TTYH1: variants seen among roughly 807,000 people sequenced by gnomAD.
TTYH1 encodes protein tweety homolog 1.
In TTYH1, 33 loss-of-function variants were observed where a neutral mutation model predicts 61.2. That is an observed-to-expected ratio of 0.54 (90% CI 0.41 to 0.72). The LOEUF (loss-of-function observed/expected upper bound fraction) is 0.72, where lower values mean the gene tolerates loss of function less well. Ranked by LOEUF, TTYH1 falls within the 30% of genes least tolerant of loss-of-function variation. The probability of loss-of-function intolerance (pLI) is 0.00; values close to 1 mark genes in which losing one functional copy is unlikely to be tolerated. For missense variants in TTYH1, 538 were observed against 575.8 expected (o/e 0.93, Z 0.67); for synonymous variants, 308 against 266.4 (o/e 1.16, Z -1.52).
intron 5 of TTYH1, among the ~76,000 whole-genome samples, chr19:54,428,323 A>C (rs1034260970): frequency 2.6e-5 from 4 of 151,888 alleles, no homozygotes; most frequent in Non-Finnish European, 5.9e-5. Context: ...TCCTGACCTA[A>C]GGTGATCCGC....
Position 54,415,789 on chromosome 19 carries a change from G to A in TTYH1, c.126+111G>A, listed in dbSNP as rs191643169. ...TTCCTGAGCTCCGCCGGAGGCTGGG[G>A]GCCGGCCCGGACTTTGGGGTTTCGG... On this transcript the variant is annotated intron_variant, in intron 1 of 13. Transcript: ENST00000376530. The surrounding 1 kb of genome is among the most constrained non-coding windows in gnomAD (Gnocchi z 5.2). 3 of 1,242,304 alleles carry A rather than the reference G, an allele frequency of 2.4e-6. No homozygotes were observed. The highest frequency in any genetic ancestry group is 3.1e-5 in the Admixed American group (1 of 32,700). The allele number at this position is 1,242,304 out of a possible 1,614,324, so 77.0% of individuals were successfully genotyped here.
At position 54,428,096 on chromosome 19, in the gene TTYH1, T is replaced by TG. The variant is rs1569262427; in HGVS notation, c.735-1211_735-1210insG. Among the ~76,000 whole-genome samples, 21 of 142,316 alleles carry TG rather than the reference T, an allele frequency of 1.5e-4. 1 individual carries two copies. Among genetic ancestry groups the TG allele is most frequent in the African/African-American group, 5.5e-4 (21 of 38,002 alleles). The allele number at this position is 142,316 out of a possible 152,430, so 93.4% of individuals were successfully genotyped here. On this transcript the variant is annotated intron_variant, in intron 5 of 13. Coordinates refer to ENST00000376530, the MANE Select transcript of TTYH1 (RefSeq NM_020659.4). ...CCGGCTAAGTTTTTTTTTTTTTTTT[T>TG]TTTTTTTTTTGAGCTGCAATTTGGC...
At chr19:54,417,052 T>C (rs1293526467) in intron 1 of TTYH1, 1 of 689,544 alleles carries the variant, frequency 1.5e-6, no homozygotes, top group Non-Finnish European at 2.0e-6. Context: ...GCGACCACCG[T>C]GGGTACAGCT....
At position 54,421,316 on chromosome 19, in the gene TTYH1, C is replaced by G. The variant is rs763312803; in HGVS notation, c.345C>G (p.Thr115=). ...IGIGFYGNSE[T]SDGVSQLSSA... is the part of the protein sequence containing the mutation. ...TCGGTTTCTATGGCAACAGTGAGAC[C>G]AGTGATGGGGTGTCCCAGCTCAGCT... The change falls in exon 3 of 14, where the codon ACC becomes ACG. Residue 115 remains threonine (T), a synonymous_variant. Coordinates refer to ENST00000376530, the MANE Select transcript of TTYH1 (RefSeq NM_020659.4). The surrounding 1 kb of genome is among the most constrained non-coding windows in gnomAD (Gnocchi z 4.8). 2 of 1,613,792 alleles carry G rather than the reference C, an allele frequency of 1.2e-6. No individual in the cohort carries two copies. The highest frequency in any genetic ancestry group is 2.2e-5 in the East Asian group (1 of 44,874).
At position 54,422,174 on chromosome 19, in the gene TTYH1, C is replaced by A; in HGVS notation, c.418-16C>A. The stretch of plus-strand genomic sequence containing the variant: ...CAGGATGTCCTTCCAGACCTCAGCC[C>A]CTGTCCTATCCCCAGGTGTTGGAGA... On this transcript the variant is annotated splice_polypyrimidine_tract_variant and intron_variant, in intron 3 of 13. Transcript: ENST00000376530. The A allele has an allele frequency of 1.9e-6, 3 of 1,545,412 alleles. No individual in the cohort carries two copies. Among genetic ancestry groups the A allele is most frequent in the Non-Finnish European group, 2.6e-6 (3 of 1,142,814 alleles).
chr19:54,430,023 C>T, intron 7 of TTYH1, 66 bp downstream of exon 7: 1 of 1,418,668 alleles, frequency 7.0e-7, no homozygotes, highest in Admixed American at 1.7e-5. Context: ...CCTCAGGCCT[C>T]CTCTGTGCCC....
rs946792079 is a variant in TTYH1, at chr19:54,422,463, C to A, written c.638+53C>A. ...TGCCGGCAGCTCTCAGGCGGAGTCC[C>A]CGGGGGGACAGTTGGCAATGCCTGG... On this transcript the variant is annotated intron_variant, in intron 4 of 13. Coordinates refer to ENST00000376530, the MANE Select transcript of TTYH1 (RefSeq NM_020659.4). The A allele has an allele frequency of 1.3e-5, 19 of 1,437,372 alleles. No individual in the cohort carries two copies. In the Admixed American group the frequency reaches 4.8e-4, roughly 36 times the overall value. 89.0% of individuals were successfully genotyped at this position (1,437,372 alleles called of 1,614,324 possible).
rs1474767866 is a variant in TTYH1, at chr19:54,419,137, C to T, written c.136C>T (p.Leu46=). The change falls in exon 2 of 14, where the codon CTG becomes TTG. Residue 46 remains leucine, a synonymous_variant. Transcript: ENST00000376530. The surrounding 1 kb of genome is among the most constrained non-coding windows in gnomAD (Gnocchi z 6.1). ...TCACCCCCTTCCCCAGGCCTTGTTGCTGGTGGCGGCCTTGGCGGGCCTGGG... is the reference window on the plus strand; with the variant it reads ...TCACCCCCTTCCCCAGGCCTTGTTGTTGGTGGCGGCCTTGGCGGGCCTGGG... ...QEQEYQQALL[L]VAALAGLGLG... is the part of the protein sequence containing the mutation. 1.3e-5 allele frequency: 21 copies of T among 1,611,572 alleles called. No homozygotes were observed. Among genetic ancestry groups the T allele is most frequent in the Non-Finnish European group, 1.7e-5 (20 of 1,178,668 alleles).
intron 1 of TTYH1, among the ~76,000 whole-genome samples, chr19:54,417,330 C>T (rs2083105977): frequency 6.6e-6 from 1 of 151,590 alleles, no homozygotes; most frequent in South Asian, 2.1e-4. Flanking sequence ...CACTCAGACA[C>T]GCCCACTTAC....
In TTYH1 at chr19:54,436,205, C is replaced by G. The variant is rs749242183; in HGVS notation, c.*42+34C>G. On this transcript the variant is annotated intron_variant, in intron 13 of 13. Coordinates refer to ENST00000376530, the MANE Select transcript of TTYH1 (RefSeq NM_020659.4). The surrounding 1 kb of genome is among the most constrained non-coding windows in gnomAD (Gnocchi z 4.3). ...CCAAGGGCCACCCCAGCTCCTGCAG[C>G]CGGGCCTCTGCCCCCCTCCCGCCCT... 11 of 1,609,912 alleles carry G rather than the reference C, an allele frequency of 6.8e-6. No homozygotes were observed. The highest frequency in any genetic ancestry group is 1.6e-4 in the Middle Eastern group (1 of 6,070).
intron 10 of TTYH1, chr19:54,432,906 C>T (rs1010047491): frequency 1.3e-5 from 2 of 152,204 alleles, no homozygotes; most frequent in African/African-American, 4.8e-5. Flanking sequence ...CTCAGACAGA[C>T]CCCTTCTGTG....
At chr19:54,422,521 G>A in intron 4 of TTYH1, 111 bp downstream of exon 4, 1 of 896,438 alleles carries the variant, frequency 1.1e-6, no homozygotes, top group Non-Finnish European at 1.7e-6. Context: ...TGGGGAGTGT[G>A]TGCGCACTGC....
At position 54,416,909 on chromosome 19, in the gene TTYH1, CCA is replaced by C. The variant is rs1356723841; in HGVS notation, c.126+1232_126+1233del. On this transcript the variant is annotated intron_variant, in intron 1 of 13. Coordinates refer to ENST00000376530, the MANE Select transcript of TTYH1 (RefSeq NM_020659.4). This position sits in a 1 kb window ranked among gnomAD's most constrained non-coding sequence, Gnocchi z 7.0. ...AAGCCGCACGCGGGGATCCGCGGCC[CCA>C]GTCACCGCCAGAGGCACGGGTTTGG... The C allele has an allele frequency of 7.8e-7, 1 of 1,284,104 alleles. No individual in the cohort carries two copies. Among genetic ancestry groups the C allele is most frequent in the Non-Finnish European group, 1.0e-6 (1 of 984,762 alleles). The allele number at this position is 1,284,104 out of a possible 1,614,324, so 79.5% of individuals were successfully genotyped here.
In TTYH1 at chr19:54,436,076, C is replaced by G; in HGVS notation, c.1315-15C>G. Reference sequence around the variant, plus strand: ...CATTCCCTCCTCTCCCCCGCTACCCCGAATCTCCTAGCAGGAATCCAAGCG... The same window carrying G: ...CATTCCCTCCTCTCCCCCGCTACCCGGAATCTCCTAGCAGGAATCCAAGCG... On this transcript the variant is annotated splice_polypyrimidine_tract_variant and intron_variant, in intron 12 of 13. Coordinates refer to ENST00000376530, the MANE Select transcript of TTYH1 (RefSeq NM_020659.4). This position sits in a 1 kb window ranked among gnomAD's most constrained non-coding sequence, Gnocchi z 4.3. 1 of 1,613,636 alleles carries G rather than the reference C, an allele frequency of 6.2e-7. No homozygotes were observed. Among genetic ancestry groups the G allele is most frequent in the Non-Finnish European group, 8.5e-7 (1 of 1,179,630 alleles).
rs1046727033 is a variant in TTYH1 at position 54,429,074 on chromosome 19, G to A, written c.735-233G>A. Among the ~76,000 whole-genome samples the A allele has an allele frequency of 6.6e-6, 1 of 152,118 alleles. No individual in the cohort carries two copies. Among genetic ancestry groups the A allele is most frequent in the Non-Finnish European group, 1.5e-5 (1 of 68,004 alleles). ...TCCAAGCTGCGACCACCCAGCCCAG[G>A]GCCCTGCTCATACCCCACACCCTGC... On this transcript the variant is annotated intron_variant, in intron 5 of 13. Transcript: ENST00000376530. The surrounding 1 kb of genome is among the most constrained non-coding windows in gnomAD (Gnocchi z 5.1).
intron 4 of TTYH1, 55 bp downstream of exon 4, chr19:54,422,465 G>A (rs188048797): frequency 4.2e-6 from 6 of 1,426,754 alleles, no homozygotes; most frequent in South Asian, 1.4e-5. Flanking sequence ...CGGAGTCCCC[G>A]GGGGGACAGT....
At position 54,416,971 on chromosome 19, in the gene TTYH1, G is replaced by C; in HGVS notation, c.126+1293G>C. On this transcript the variant is annotated intron_variant, in intron 1 of 13. Coordinates refer to ENST00000376530, the MANE Select transcript of TTYH1 (RefSeq NM_020659.4). The surrounding 1 kb of genome is among the most constrained non-coding windows in gnomAD (Gnocchi z 7.0). ...ACTCCGCCCCCACGGTCGGGGGTCA[G>C]GGTCAGGGTGGCAGGGATGCGCGGG... The C allele has an allele frequency of 1.6e-6, 2 of 1,226,120 alleles. No individual in the cohort carries two copies. The highest frequency in any genetic ancestry group is 2.8e-5 in the South Asian group (2 of 71,110). 76.0% of individuals were successfully genotyped at this position (1,226,120 alleles called of 1,614,324 possible).
chr19:54,416,133 G>C lies in TTYH1; in HGVS notation c.126+455G>C, dbSNP rs1004445300. The stretch of plus-strand genomic sequence containing the variant: ...ACCTGATAACGGTGGCGGGGAAAAC[G>C]CTGGCTGCTGCGGTGCTGGGATGGG... On this transcript the variant is annotated intron_variant, in intron 1 of 13. Transcript: ENST00000376530. The surrounding 1 kb of genome is among the most constrained non-coding windows in gnomAD (Gnocchi z 7.0). 5.8e-6 allele frequency: 7 copies of C among 1,214,110 alleles called. No homozygotes were observed. Among genetic ancestry groups the C allele is most frequent in the Admixed American group, 2.3e-5 (1 of 43,280 alleles). 75.2% of individuals were successfully genotyped at this position (1,214,110 alleles called of 1,614,324 possible). A position where few individuals can be genotyped will look rare whatever the true frequency, so the allele number is the denominator to read the frequency against.
chr19:54,423,180 G>A (rs570478497), intron 4 of TTYH1, among the ~76,000 whole-genome samples: 1 of 151,260 alleles, frequency 6.6e-6, no homozygotes, highest in South Asian at 2.1e-4. Context: ...CGTGTGACAT[G>A]TGTATTTGTT....
Sources: allele counts gnomAD v4.1 joint callset (sites outside exome capture counted in the v4.1 genomes callset), GRCh38; gene constraint gnomAD v4.1.1; non-coding constraint Gnocchi (gnomAD v3.1); transcripts MANE v1.5; gene names NCBI Gene and HGNC (gene_info 2026-07-23, HGNC 2026-07-21).